The following NXPH1 variants were observed in gnomAD, a reference collection of about 807,000 sequenced individuals.
The protein encoded by NXPH1 is neurexophilin-1.
Under a neutral mutation model 23.7 loss-of-function variants are expected in NXPH1, and 5 were observed. The observed-to-expected ratio is 0.21, with a 90% CI of 0.11 to 0.44. The LOEUF is 0.44. Among genes scored for constraint, NXPH1 ranks in the 20% least tolerant of loss-of-function variants. NXPH1 has a pLI of 0.99. For synonymous variants in NXPH1, 144 were observed against 122.2 expected (o/e 1.18, Z -1.18); for missense variants, 324 against 321.6 (o/e 1.01, Z -0.06).
chr7:8,730,115 G>T (rs1780124157), intron 2 of NXPH1, among the ~76,000 whole-genome samples: 1 of 150,928 alleles, frequency 6.6e-6, no homozygotes, highest in African/African-American at 2.4e-5. Flanking sequence ...TGTCTCTTTT[G>T]ATCTTTGTTG....
intron 2 of NXPH1, among the ~76,000 whole-genome samples, chr7:8,522,308 C>G (rs1033309299): frequency 6.6e-6 from 1 of 152,142 alleles, no homozygotes; most frequent in Non-Finnish European, 1.5e-5. Flanking sequence ...GGCTAGCTCT[C>G]CAGTTGTGTG....
chr7:8,466,831 T>C (rs1816794501), intron 2 of NXPH1, among the ~76,000 whole-genome samples: 1 of 149,016 alleles, frequency 6.7e-6, no homozygotes, highest in South Asian at 2.2e-4. Flanking sequence ...CCCAGCTCCA[T>C]TTTGTGGTTG....
chr7:8,607,773 T>C lies in NXPH1; in HGVS notation c.55-143235T>C, dbSNP rs148606227. Among the ~76,000 whole-genome samples the C allele has an allele frequency of 2.1e-4, 32 of 152,352 alleles. No individual in the cohort carries two copies. In the East Asian group the frequency reaches 4.2e-3, roughly 20 times the overall value. On this transcript the variant is annotated intron_variant, in intron 2 of 2. Transcript: ENST00000405863. ...GAAATATGTTCCCCAAAAAGATCTG[T>C]TGAGGTCCTAACATCTGGTTCCTGT...
chr7:8,706,559 C>G (rs1381933798), intron 2 of NXPH1, among the ~76,000 whole-genome samples: 1 of 152,198 alleles, frequency 6.6e-6, no homozygotes, highest in Non-Finnish European at 1.5e-5. Flanking sequence ...TGCCAGAGAA[C>G]AGGCTCAGAA....
At chr7:8,652,040 A>AT (rs1296591223) in intron 2 of NXPH1, among the ~76,000 whole-genome samples, 16 of 152,148 alleles carry the variant, frequency 1.1e-4, no homozygotes, top group Admixed American at 3.9e-4. Flanking sequence ...TCTTAGAAGC[A>AT]TTTTAAATTC....
At chr7:8,616,381 C>T (rs934747549) in intron 2 of NXPH1, among the ~76,000 whole-genome samples, 9 of 152,014 alleles carry the variant, frequency 5.9e-5, no homozygotes, top group Non-Finnish European at 1.0e-4. Context: ...CTCCTCATTG[C>T]CCTTATGCTG....
chr7:8,435,875 T>TGCTC lies in NXPH1; in HGVS notation c.54+108_54+109insGCTC. ...ACGCCGCCAGTTCAGTGAGAGCAGC[T>TGCTC]TCCTAGCAGCTGTGTTGGAGCAACT... On this transcript the variant is annotated intron_variant, in intron 2 of 2. Coordinates refer to ENST00000405863, the MANE Select transcript of NXPH1 (RefSeq NM_152745.3). The surrounding 1 kb of genome is among the most constrained non-coding windows in gnomAD (Gnocchi z 5.9). The TGCTC allele has an allele frequency of 2.9e-6, 3 of 1,045,068 alleles. No individual in the cohort carries two copies. The highest frequency in any genetic ancestry group is 4.5e-6 in the Non-Finnish European group (3 of 663,726). The allele number at this position is 1,045,068 out of a possible 1,614,324, so 64.7% of individuals were successfully genotyped here. A position where few individuals can be genotyped will look rare whatever the true frequency, so the allele number is the denominator to read the frequency against.
At chr7:8,509,633 A>G (rs1226987095) in intron 2 of NXPH1, among the ~76,000 whole-genome samples, 1 of 152,102 alleles carries the variant, frequency 6.6e-6, no homozygotes, top group Non-Finnish European at 1.5e-5. Context: ...TACAGTGGGC[A>G]GAAGCTTGTG....
At chr7:8,732,889 A>T (rs984991384) in intron 2 of NXPH1, among the ~76,000 whole-genome samples, 15 of 152,170 alleles carry the variant, frequency 9.9e-5, no homozygotes, top group African/African-American at 3.4e-4. Flanking sequence ...ATTTTTAAAA[A>T]AATTTTACTT....
chr7:8,451,556 G>A (rs1410577558), intron 2 of NXPH1, among the ~76,000 whole-genome samples: 1 of 152,130 alleles, frequency 6.6e-6, no homozygotes, highest in Non-Finnish European at 1.5e-5. Flanking sequence ...TTTTTCAAAA[G>A]CTTTTGGATT....
intron 2 of NXPH1, among the ~76,000 whole-genome samples, chr7:8,495,928 A>G (rs1039317886): frequency 1.3e-5 from 2 of 151,998 alleles, no homozygotes; most frequent in Non-Finnish European, 2.9e-5. Context: ...GAATCACAGG[A>G]GAGAGAACTA....
At chr7:8,462,470 A>C (rs1816712120) in intron 2 of NXPH1, among the ~76,000 whole-genome samples, 1 of 152,190 alleles carries the variant, frequency 6.6e-6, no homozygotes, top group Admixed American at 6.5e-5. Context: ...TATTGTCATC[A>C]CTGAGAAATG....
chr7:8,652,554 A>G (rs1333481835), intron 2 of NXPH1, among the ~76,000 whole-genome samples: 1 of 152,180 alleles, frequency 6.6e-6, no homozygotes, highest in Non-Finnish European at 1.5e-5. Context: ...GTTTCTAAGA[A>G]CATTATTACA....
chr7:8,470,045 T>G (rs1229583914), intron 2 of NXPH1, among the ~76,000 whole-genome samples: 1 of 152,194 alleles, frequency 6.6e-6, no homozygotes, highest in East Asian at 1.9e-4. Context: ...ATATGGATTA[T>G]ATGTCTTGTG....
chr7:8,512,284 T>A (rs555135922), intron 2 of NXPH1, among the ~76,000 whole-genome samples: 8 of 152,306 alleles, frequency 5.3e-5, no homozygotes, highest in African/African-American at 1.7e-4. Flanking sequence ...AGATCCCTTA[T>A]ATTTTTGTAA....
intron 2 of NXPH1, among the ~76,000 whole-genome samples, chr7:8,715,887 A>C (rs988772068): frequency 6.6e-6 from 1 of 152,276 alleles, no homozygotes; most frequent in South Asian, 2.1e-4. Context: ...TTAGTGCTGG[A>C]CACATAAAAC....
Position 8,547,171 on chromosome 7 carries a change from C to G in NXPH1, c.54+111404C>G, listed in dbSNP as rs547201540. Among the ~76,000 whole-genome samples, 6 of 151,552 alleles carry G rather than the reference C, an allele frequency of 4.0e-5. 1 individual carries two copies. Among genetic ancestry groups the G allele is most frequent in the African/African-American group, 1.4e-4 (6 of 41,458 alleles). On this transcript the variant is annotated intron_variant, in intron 2 of 2. Transcript: ENST00000405863. Reference sequence around the variant, plus strand: ...CCCCCTTAGGTGAATGCCAAAAATTCCTGCACACAATCGCTGCCACAGCAC... The same window carrying G: ...CCCCCTTAGGTGAATGCCAAAAATTGCTGCACACAATCGCTGCCACAGCAC...
At chr7:8,737,016 G>A (rs149548602) in intron 2 of NXPH1, among the ~76,000 whole-genome samples, 15 of 151,220 alleles carry the variant, frequency 9.9e-5, no homozygotes, top group East Asian at 3.9e-4. Context: ...TATTTTGAGC[G>A]TGCGTGTGTG....
chr7:8,630,705 A>G (rs151264378), intron 2 of NXPH1, among the ~76,000 whole-genome samples: 18 of 152,298 alleles, frequency 1.2e-4, no homozygotes, highest in African/African-American at 4.1e-4. Context: ...AAGTCAAACT[A>G]TTGAAGATTA....
Sources: gnomAD v4.1 joint callset for allele counts (sites outside exome capture counted in the v4.1 genomes callset) on GRCh38, gnomAD v4.1.1 for gene constraint, Gnocchi (gnomAD v3.1) non-coding constraint, MANE v1.5 for transcripts, NCBI Gene and HGNC (gene_info 2026-07-23, HGNC 2026-07-21) for gene names.